NELL1: variants seen among roughly 807,000 people sequenced by gnomAD.
NELL1 encodes the protein protein kinase C-binding protein NELL1.
NELL1 carries 76 observed loss-of-function variants against 107.4 expected under a neutral mutation model. The ratio of observed to expected loss-of-function variants is 0.71; its 90% CI spans 0.59 to 0.86. The LOEUF (loss-of-function observed/expected upper bound fraction) is 0.86. Among genes scored for constraint, NELL1 ranks in the 40% least tolerant of loss-of-function variants. The probability of loss-of-function intolerance (pLI) is 0.00; values close to 1 mark genes in which losing one functional copy is unlikely to be tolerated. For missense variants in NELL1, 1,024 were observed against 1,005.5 expected (o/e 1.02, Z -0.25); for synonymous variants, 353 against 341.2 (o/e 1.03, Z -0.38).
At chr11:20,707,713 C>T (rs570155474) in intron 2 of NELL1, among the ~76,000 whole-genome samples, 1 of 152,322 alleles carries the variant, frequency 6.6e-6, no homozygotes, top group South Asian at 2.1e-4. Flanking sequence ...ATGTTGCTGT[C>T]TGATCCTTCC....
intron 12 of NELL1, among the ~76,000 whole-genome samples, chr11:21,008,916 C>T (rs865809235): frequency 2.0e-5 from 3 of 152,008 alleles, no homozygotes; most frequent in African/African-American, 2.4e-5. Flanking sequence ...CTGTTGGTTT[C>T]GAGGTTCCAT....
chr11:21,008,853 A>G (rs1450805710), intron 12 of NELL1, among the ~76,000 whole-genome samples: 3 of 152,134 alleles, frequency 2.0e-5, no homozygotes, highest in Non-Finnish European at 4.4e-5. Flanking sequence ...GTAATTTAAC[A>G]GGTAAGGGAA....
intron 14 of NELL1, among the ~76,000 whole-genome samples, chr11:21,251,883 G>A (rs961768163): frequency 2.6e-5 from 4 of 152,062 alleles, no homozygotes; most frequent in African/African-American, 9.7e-5. Flanking sequence ...CTAAGATGAA[G>A]TTCTGGAACA....
intron 5 of NELL1, among the ~76,000 whole-genome samples, chr11:20,912,602 C>A (rs902223356): frequency 1.3e-5 from 2 of 152,128 alleles, no homozygotes; most frequent in African/African-American, 4.8e-5. Flanking sequence ...CAAAGCCTTT[C>A]ACAGAGGCCA....
intron 2 of NELL1, among the ~76,000 whole-genome samples, chr11:20,751,085 T>C (rs778388435): frequency 1.3e-5 from 2 of 152,146 alleles, no homozygotes; most frequent in Admixed American, 6.6e-5. Context: ...ATTCCGCTGA[T>C]CTATAGCTTA....
chr11:21,165,573 G>GGGA (rs1479340836), intron 13 of NELL1, among the ~76,000 whole-genome samples: 2 of 149,256 alleles, frequency 1.3e-5, no homozygotes, highest in East Asian at 3.9e-4. Flanking sequence ...ACCCCTAGGT[G>GGGA]TATACCTGAA....
chr11:21,133,022 C>T (rs1039565028), intron 13 of NELL1, among the ~76,000 whole-genome samples: 2 of 151,928 alleles, frequency 1.3e-5, no homozygotes, highest in African/African-American at 2.4e-5. Flanking sequence ...AGTATCTGGC[C>T]CTCAGTGGAG....
chr11:20,910,392 A>G (rs1165235091), intron 5 of NELL1, among the ~76,000 whole-genome samples: 2 of 152,194 alleles, frequency 1.3e-5, no homozygotes, highest in East Asian at 1.9e-4. Flanking sequence ...GTACAAAGTC[A>G]CTGTTCAAAA....
chr11:20,788,411 G>T (rs1857010860), intron 3 of NELL1, among the ~76,000 whole-genome samples: 2 of 152,188 alleles, frequency 1.3e-5, no homozygotes, highest in Admixed American at 6.5e-5. Context: ...TGTATGGAGT[G>T]ATACCTTACT....
At chr11:21,317,713 A>G (rs1193160281) in intron 14 of NELL1, among the ~76,000 whole-genome samples, 1 of 152,022 alleles carries the variant, frequency 6.6e-6, no homozygotes, top group African/African-American at 2.4e-5. Context: ...CAAAAAGTAA[A>G]GGCCTTGATT....
At chr11:21,053,887 C>G (rs1410813826) in intron 12 of NELL1, among the ~76,000 whole-genome samples, 1 of 152,144 alleles carries the variant, frequency 6.6e-6, no homozygotes, top group Non-Finnish European at 1.5e-5. Context: ...GATTCTTGGT[C>G]AAAATCAATT....
At chr11:20,938,924 C>G (rs905597367) in intron 10 of NELL1, among the ~76,000 whole-genome samples, 1 of 123,030 alleles carries the variant, frequency 8.1e-6, no homozygotes, top group Admixed American at 9.8e-5. Flanking sequence ...CTCTCTCTCT[C>G]TCTCTCTCTC....
At chr11:20,801,737 T>C (rs1857284779) in intron 3 of NELL1, among the ~76,000 whole-genome samples, 1 of 152,198 alleles carries the variant, frequency 6.6e-6, no homozygotes, top group Admixed American at 6.5e-5. Context: ...CTTTAATGCA[T>C]TTTGATTTGA....
intron 15 of NELL1, among the ~76,000 whole-genome samples, chr11:21,485,459 A>G (rs1360871501): frequency 6.6e-6 from 1 of 150,930 alleles, no homozygotes; most frequent in African/African-American, 2.4e-5. Flanking sequence ...CAGCCCTTAG[A>G]GGACTGTGTC....
At chr11:21,202,368 C>T (rs541071747) in intron 13 of NELL1, among the ~76,000 whole-genome samples, 95 of 152,044 alleles carry the variant, frequency 6.2e-4, no homozygotes, top group Non-Finnish European at 1.2e-3. Flanking sequence ...GTATATATGT[C>T]CAGGAATTTA....
chr11:21,422,277 A>C lies in NELL1; in HGVS notation c.1645+51329A>C, dbSNP rs1852698534. ...ATACTAGAATGTAATGCAAAACTCC[A>C]TGAAGAAATAAAGATCTCAATAAAG... On this transcript the variant is annotated intron_variant, in intron 15 of 19. Coordinates refer to ENST00000357134, the MANE Select transcript of NELL1 (RefSeq NM_006157.5). Among the ~76,000 whole-genome samples, 3 of 152,218 alleles carry C rather than the reference A, an allele frequency of 2.0e-5. No individual in the cohort carries two copies. In the South Asian group the frequency reaches 6.2e-4, roughly 32 times the overall value.
intron 2 of NELL1, among the ~76,000 whole-genome samples, chr11:20,726,751 C>T (rs934927477): frequency 2.6e-5 from 4 of 151,824 alleles, no homozygotes; most frequent in African/African-American, 7.3e-5. Context: ...CCCCCATCCC[C>T]CCACCCCATG....
intron 14 of NELL1, among the ~76,000 whole-genome samples, chr11:21,331,582 A>G (rs1224858259): frequency 6.6e-6 from 1 of 152,052 alleles, no homozygotes; most frequent in Non-Finnish European, 1.5e-5. Flanking sequence ...TCTACTGGTA[A>G]TACACTCAGG....
chr11:20,955,548 T>G (rs958599607), intron 11 of NELL1, among the ~76,000 whole-genome samples: 7 of 152,232 alleles, frequency 4.6e-5, no homozygotes, highest in African/African-American at 1.7e-4. Context: ...TAAGTTATTT[T>G]GAACTTTAGT....
Sources: gnomAD v4.1 joint callset for allele counts (sites outside exome capture counted in the v4.1 genomes callset) on GRCh38, gnomAD v4.1.1 for gene constraint, MANE v1.5 for transcripts, NCBI Gene and HGNC (gene_info 2026-07-23, HGNC 2026-07-21) for gene names.